SLCO3A1: variants seen among roughly 807,000 people sequenced by gnomAD.
SLCO3A1 encodes solute carrier organic anion transporter family member 3A1, also known as PGE1 transporter.
In SLCO3A1, 27 loss-of-function variants were observed where a neutral mutation model predicts 63.1. The ratio of observed to expected loss-of-function variants is 0.43; its 90% CI spans 0.32 to 0.59. The LOEUF is 0.59. SLCO3A1 is among the 20% of genes least tolerant of loss of function. The pLI is 0.09. For synonymous variants in SLCO3A1, 473 were observed against 409.9 expected (o/e 1.15, Z -1.86); for missense variants, 773 against 945.8 (o/e 0.82, Z 2.40).
chr15:92,112,922 A>G (rs1473617165), intron 4 of SLCO3A1, among the ~76,000 whole-genome samples: 1 of 152,156 alleles, frequency 6.6e-6, no homozygotes, highest in African/African-American at 2.4e-5. Context: ...TCCAGGGTGA[A>G]TGCCTCCATT....
At chr15:92,001,360 G>C (rs1030480532) in intron 2 of SLCO3A1, among the ~76,000 whole-genome samples, 2 of 152,112 alleles carry the variant, frequency 1.3e-5, no homozygotes, top group African/African-American at 4.8e-5. Flanking sequence ...CTGCTTCCTT[G>C]GTGCTTGTGG....
At position 91,942,813 on chromosome 15, in the gene SLCO3A1, A is replaced by C. The variant is rs539593175; in HGVS notation, c.646+26355A>C. On this transcript the variant is annotated intron_variant, in intron 2 of 9. Coordinates refer to ENST00000318445, the MANE Select transcript of SLCO3A1 (RefSeq NM_013272.4). The surrounding 1 kb of genome is among the most constrained non-coding windows in gnomAD (Gnocchi z 4.1). The stretch of plus-strand genomic sequence containing the variant: ...CTGACCTAAAGTGATCAGGTCACTG[A>C]TCACTCCTCCCAAGGAGCTGGAATT... 3.3e-5 allele frequency among the ~76,000 whole-genome samples: 5 copies of C among 152,250 alleles called. No individual in the cohort carries two copies. The East Asian group carries it at 9.7e-4, about 30-fold the overall frequency.
At chr15:91,988,268 G>T (rs1436495933) in intron 2 of SLCO3A1, among the ~76,000 whole-genome samples, 2 of 152,170 alleles carry the variant, frequency 1.3e-5, no homozygotes, top group Admixed American at 6.5e-5. Flanking sequence ...ATGGTGGGGG[G>T]AGGAGGAGGC....
chr15:91,897,620 T>G lies in SLCO3A1; in HGVS notation c.181-18373T>G, dbSNP rs1898039374. 6.6e-6 allele frequency among the ~76,000 whole-genome samples: 1 copy of G among 152,230 alleles called. No individual in the cohort carries two copies. Among genetic ancestry groups the G allele is most frequent in the Non-Finnish European group, 1.5e-5 (1 of 68,038 alleles). On this transcript the variant is annotated intron_variant, in intron 1 of 9. Transcript: ENST00000318445. The surrounding 1 kb of genome is among the most constrained non-coding windows in gnomAD (Gnocchi z 4.7). ...GCCTTTGACTATCTCAAAACGTGGC[T>G]GCAGGTGTTTTCCCTAGCTGATGAA...
intron 2 of SLCO3A1, among the ~76,000 whole-genome samples, chr15:91,924,353 C>A (rs747196814): frequency 3.3e-5 from 5 of 152,144 alleles, no homozygotes; most frequent in Non-Finnish European, 7.3e-5. Context: ...GTTGCCAACT[C>A]ATTGAAATCT....
At chr15:92,111,754 A>T (rs1178935503) in intron 4 of SLCO3A1, among the ~76,000 whole-genome samples, 18 of 152,232 alleles carry the variant, frequency 1.2e-4, no homozygotes, top group Non-Finnish European at 1.5e-5. Flanking sequence ...CACTTTGTTG[A>T]TATTCCTGGA....
chr15:92,165,239 T>TGTTA lies in SLCO3A1; in HGVS notation c.*2107_*2110dup, dbSNP rs1228851244. On this transcript the variant is annotated 3_prime_UTR_variant, in exon 10 of 10. Coordinates refer to ENST00000318445, the MANE Select transcript of SLCO3A1 (RefSeq NM_013272.4). The stretch of plus-strand genomic sequence containing the variant: ...TGAGACAGGCCTTTCAACTGCTTAG[T>TGTTA]GTTAGTATGTCCTTGCTTATGAAAA... 1 of 982,350 alleles carries TGTTA rather than the reference T, an allele frequency of 1.0e-6. No homozygotes were observed. Among genetic ancestry groups the TGTTA allele is most frequent in the African/African-American group, 1.8e-5 (1 of 54,480 alleles). 60.9% of individuals were successfully genotyped at this position (982,350 alleles called of 1,614,324 possible).
chr15:92,008,166 A>G (rs919704973), intron 2 of SLCO3A1, among the ~76,000 whole-genome samples: 1 of 149,836 alleles, frequency 6.7e-6, no homozygotes, highest in Non-Finnish European at 1.5e-5. Context: ...TCCTGCAAAC[A>G]CATACACACA....
chr15:91,926,557 C>CTGTGTGTG (rs1567189095), intron 2 of SLCO3A1, among the ~76,000 whole-genome samples: 32 of 54,348 alleles, frequency 5.9e-4, no homozygotes, highest in African/African-American at 3.0e-3. Flanking sequence ...TCCTGCCAAG[C>CTGTGTGTG]CGTGTGTGTG....
chr15:91,906,654 C>T (rs1374527984), intron 1 of SLCO3A1, among the ~76,000 whole-genome samples: 1 of 152,332 alleles, frequency 6.6e-6, no homozygotes, highest in East Asian at 1.9e-4. Flanking sequence ...CTGAGGAAAT[C>T]ATTGAAATCA....
intron 2 of SLCO3A1, among the ~76,000 whole-genome samples, chr15:92,028,247 T>C (rs984666711): frequency 1.3e-5 from 2 of 152,062 alleles, no homozygotes; most frequent in African/African-American, 4.8e-5. Flanking sequence ...CACAAGTCCG[T>C]TGAAGTCCCC....
In SLCO3A1 at chr15:91,915,277, G is replaced by T. The variant is rs190977491; in HGVS notation, c.181-716G>T. Among the ~76,000 whole-genome samples, 46 of 152,182 alleles carry T rather than the reference G, an allele frequency of 3.0e-4. 1 individual carries two copies. The highest frequency in any genetic ancestry group is 2.9e-3 in the Admixed American group (44 of 15,286). On this transcript the variant is annotated intron_variant, in intron 1 of 9. Transcript: ENST00000318445. Reference sequence around the variant, plus strand: ...TTGCCTGGCAAGCAGCAGATGTTCGGTATATGTTTAACAAACATAGGGCAG... The same window carrying T: ...TTGCCTGGCAAGCAGCAGATGTTCGTTATATGTTTAACAAACATAGGGCAG...
chr15:92,124,032 T>C (rs970028882), intron 5 of SLCO3A1, among the ~76,000 whole-genome samples: 1 of 152,082 alleles, frequency 6.6e-6, no homozygotes, highest in Non-Finnish European at 1.5e-5. Context: ...GTGTGGACGC[T>C]GGAGGCTGGC....
At position 92,112,762 on chromosome 15, in the gene SLCO3A1, G is replaced by A. The variant is rs141356714; in HGVS notation, c.1010-7703G>A. Among the ~76,000 whole-genome samples, 259 of 152,314 alleles carry A rather than the reference G, an allele frequency of 1.7e-3. 1 individual carries two copies. The highest frequency in any genetic ancestry group is 5.4e-3 in the African/African-American group (226 of 41,562). The stretch of plus-strand genomic sequence containing the variant: ...GGAGATTCATAAGTGATATCTTAGC[G>A]CATGAAGGCTCTGAGAAGGGCTGCT... On this transcript the variant is annotated intron_variant, in intron 4 of 9. Transcript: ENST00000318445.
intron 1 of SLCO3A1, among the ~76,000 whole-genome samples, chr15:91,906,007 G>A (rs542535336): frequency 3.9e-5 from 6 of 152,262 alleles, no homozygotes; most frequent in South Asian, 2.1e-4. Context: ...GGGGTTGGGC[G>A]TCAATCCTGG....
At position 91,941,455 on chromosome 15, in the gene SLCO3A1, TG is replaced by T. The variant is rs979337803; in HGVS notation, c.646+24999del. The stretch of plus-strand genomic sequence containing the variant: ...CGTTGAGGTGGTGGCCTGGTTCCTT[TG>T]GCCTTAGGGAAGGACAAACTTCAAC... On this transcript the variant is annotated intron_variant, in intron 2 of 9. Transcript: ENST00000318445. The surrounding 1 kb of genome is among the most constrained non-coding windows in gnomAD (Gnocchi z 4.4). 2.2e-5 allele frequency: 10 copies of T among 444,816 alleles called. No homozygotes were observed. Among genetic ancestry groups the T allele is most frequent in the Admixed American group, 2.2e-4 (9 of 40,414 alleles). The allele number at this position is 444,816 out of a possible 1,614,324, so 27.6% of individuals were successfully genotyped here.
chr15:92,042,226 TAACA>T (rs2046808744), intron 2 of SLCO3A1, among the ~76,000 whole-genome samples: 6 of 152,222 alleles, frequency 3.9e-5, no homozygotes, highest in Admixed American at 3.9e-4. Flanking sequence ...TGCTACCATT[TAACA>T]TTCACACAGT....
At chr15:91,983,689 A>C (rs982768038) in intron 2 of SLCO3A1, among the ~76,000 whole-genome samples, 5 of 152,172 alleles carry the variant, frequency 3.3e-5, no homozygotes, top group African/African-American at 1.2e-4. Flanking sequence ...TGTGAAAATC[A>C]GTGTTTAAAA....
chr15:92,158,735 C>T (rs575950754), intron 9 of SLCO3A1, among the ~76,000 whole-genome samples: 1 of 152,140 alleles, frequency 6.6e-6, no homozygotes, highest in Non-Finnish European at 1.5e-5. Flanking sequence ...CAGGTGAGTT[C>T]CAGAATGGCA....
Sources: allele counts gnomAD v4.1 joint callset (sites outside exome capture counted in the v4.1 genomes callset), GRCh38; gene constraint gnomAD v4.1.1; non-coding constraint Gnocchi (gnomAD v3.1); transcripts MANE v1.5; gene names NCBI Gene and HGNC (gene_info 2026-07-23, HGNC 2026-07-21).